The following ACIN1 variants were observed in gnomAD, a reference collection of about 807,000 sequenced individuals.
ACIN1 encodes apoptotic chromatin condensation inducer in the nucleus.
A neutral mutation model predicts 146.6 loss-of-function variants in ACIN1; 16 were observed. That is an observed-to-expected ratio of 0.11 (90% CI 0.07 to 0.17). The LOEUF (loss-of-function observed/expected upper bound fraction) is 0.17. Ranked by LOEUF, ACIN1 falls within the 10% of genes least tolerant of loss-of-function variation. The pLI, the probability that ACIN1 is intolerant of heterozygous loss-of-function variation, is 1.00. For missense variants in ACIN1, 1,357 were observed against 1,609.3 expected (o/e 0.84, Z 2.68); for synonymous variants, 569 against 582.7 (o/e 0.98, Z 0.34).
chr14:23,084,736 C>T (rs1175024948), intron 4 of ACIN1, among the ~76,000 whole-genome samples: 4 of 151,824 alleles, frequency 2.6e-5, no homozygotes, highest in Admixed American at 6.6e-5. Context: ...TATACCATTT[C>T]GTATCTGGGT....
chr14:23,088,117 A>G (rs908008867), intron 4 of ACIN1, among the ~76,000 whole-genome samples: 3 of 151,892 alleles, frequency 2.0e-5, no homozygotes, highest in Non-Finnish European at 4.4e-5. Flanking sequence ...CTCCCAATAT[A>G]CTCTCACAGA....
intron 4 of ACIN1, among the ~76,000 whole-genome samples, chr14:23,084,918 T>G (rs1272645780): frequency 6.6e-6 from 1 of 151,914 alleles, no homozygotes; most frequent in Admixed American, 6.6e-5. Flanking sequence ...AGTTATAAAA[T>G]AAGTAAAACC....
Position 23,058,788 on chromosome 14 carries a change from T to C in ACIN1, c.*360A>G. The C allele has an allele frequency of 3.4e-6, 1 of 297,072 alleles. No homozygotes were observed. Among genetic ancestry groups the C allele is most frequent in the South Asian group, 6.0e-5 (1 of 16,672 alleles). 18.4% of individuals were successfully genotyped at this position (297,072 alleles called of 1,614,324 possible). ...TAGGTGACCCAGTCCTGGCCCCGGC[T>C]GTTCCCAAGAGAAGGCTGTAAGTAC... is the stretch of plus-strand genomic sequence containing the variant. On this transcript the variant is annotated 3_prime_UTR_variant, in exon 19 of 19. Coordinates refer to ENST00000605057, the MANE Select transcript of ACIN1 (RefSeq NM_001386863.1).
At chr14:23,066,350 C>A (rs996996879) in intron 9 of ACIN1, 4 of 184,150 alleles carry the variant, frequency 2.2e-5, no homozygotes, top group Non-Finnish European at 4.5e-5. Context: ...TTGGTCATAC[C>A]CCCTCTTTCA....
At chr14:23,090,404 G>C in intron 3 of ACIN1, 118 bp downstream of exon 3, 5 of 944,796 alleles carry the variant, frequency 5.3e-6, no homozygotes, top group African/African-American at 1.6e-5. Flanking sequence ...ATGAAAGCAA[G>C]TAAGTAGCAG....
chr14:23,094,559 C>A (rs1212767648), intron 1 of ACIN1: 28 of 984,324 alleles, frequency 2.8e-5, no homozygotes, highest in Non-Finnish European at 3.1e-5. Flanking sequence ...CCGATACCAA[C>A]CCCATCCACC....
chr14:23,063,956 GGTA>G, intron 12 of ACIN1, 146 bp downstream of exon 12: 1 of 1,014,020 alleles, frequency 9.9e-7, no homozygotes, highest in Non-Finnish European at 1.4e-6. Flanking sequence ...AGCTGGATTT[GGTA>G]GTCTGACCCC....
In ACIN1 at chr14:23,094,111, A is replaced by AAC. The variant is rs1035271217; in HGVS notation, c.139-569_139-568dup. Among the ~76,000 whole-genome samples, 65 of 143,512 alleles carry AAC rather than the reference A, an allele frequency of 4.5e-4. No individual in the cohort carries two copies. The South Asian group carries it at 0.013, about 30-fold the overall frequency. The allele number at this position is 143,512 out of a possible 152,430, so 94.1% of individuals were successfully genotyped here. A position where few individuals can be genotyped will look rare whatever the true frequency, so the allele number is the denominator to read the frequency against. On this transcript the variant is annotated intron_variant, in intron 1 of 18. Coordinates refer to ENST00000605057, the MANE Select transcript of ACIN1 (RefSeq NM_001386863.1). ...TGGTCTAACCTAGTCTATCCACACA[A>AAC]ACACACACACACAAACACACACACA...
At chr14:23,069,652 G>GCCCGCC in intron 8 of ACIN1, 35 bp from the exon 9 acceptor site, 2 of 577,972 alleles carry the variant, frequency 3.5e-6, no homozygotes, top group African/African-American at 1.9e-5. Flanking sequence ...GGGGGGGCGG[G>GCCCGCC]CAGAAAAGAA....
chr14:23,089,063 C>T (rs2048159582), intron 4 of ACIN1, among the ~76,000 whole-genome samples: 1 of 152,144 alleles, frequency 6.6e-6, no homozygotes, highest in Non-Finnish European at 1.5e-5. Flanking sequence ...TTTTTTGAGA[C>T]ACAGTCTCGC....
chr14:23,068,920 T>C lies in ACIN1; in HGVS notation c.2265+556A>G. On this transcript the variant is annotated intron_variant, in intron 9 of 18. Transcript: ENST00000605057. This position sits in a 1 kb window ranked among gnomAD's most constrained non-coding sequence, Gnocchi z 4.3. ...AGTGGGTGCAGGACACAAGATAACA[T>C]ATGCCAAAAAAGGAGGTAGAGGGGT... The C allele has an allele frequency of 1.0e-6, 1 of 985,330 alleles. No individual in the cohort carries two copies. The highest frequency in any genetic ancestry group is 1.2e-6 in the Non-Finnish European group (1 of 829,950). The allele number at this position is 985,330 out of a possible 1,614,324, so 61.0% of individuals were successfully genotyped here.
rs1384815007 is a variant in ACIN1, at chr14:23,067,220, G to GA, written c.2266-1213dup. The GA allele has an allele frequency of 1.2e-5, 10 of 808,292 alleles. No individual in the cohort carries two copies. The highest frequency in any genetic ancestry group is 1.2e-5 in the Non-Finnish European group (8 of 669,216). 50.1% of individuals were successfully genotyped at this position (808,292 alleles called of 1,614,324 possible). On this transcript the variant is annotated intron_variant, in intron 9 of 18. Transcript: ENST00000605057. The surrounding 1 kb of genome is among the most constrained non-coding windows in gnomAD (Gnocchi z 4.6). ...AGAAATCAGAAAAAATAAAGATATA[G>GA]AAAAAAATAAAATAAAATATTAAAA...
intron 5 of ACIN1, 103 bp from the exon 6 acceptor site, chr14:23,080,912 A>G: frequency 6.7e-7 from 1 of 1,499,650 alleles, no homozygotes; most frequent in Non-Finnish European, 8.9e-7. Flanking sequence ...AAATTCAATG[A>G]TATATACTTT....
chr14:23,076,145 C>T lies in ACIN1; in HGVS notation c.2123+2006G>A, dbSNP rs116475203. ...GTGTTGTTAATCAGTTGTGGTAGGG[C>T]CTCCAGAAATGTATGCAACCTTCTC... On this transcript the variant is annotated intron_variant, in intron 8 of 18. Coordinates refer to ENST00000605057, the MANE Select transcript of ACIN1 (RefSeq NM_001386863.1). Among the ~76,000 whole-genome samples the T allele has an allele frequency of 6.6e-3, 1,010 of 152,248 alleles. 11 individuals are homozygous for T. Among genetic ancestry groups the T allele is most frequent in the African/African-American group, 0.022 (934 of 41,534 alleles).
chr14:23,070,754 C>G (rs2047614944), intron 8 of ACIN1, among the ~76,000 whole-genome samples: 1 of 151,434 alleles, frequency 6.6e-6, no homozygotes, highest in Admixed American at 6.7e-5. Flanking sequence ...TCAGCATTCC[C>G]AACAGGCTGA....
Position 23,063,034 on chromosome 14 carries a change from C to G in ACIN1, c.2778G>C (p.Gln926His). 1 of 1,613,726 alleles carries G rather than the reference C, an allele frequency of 6.2e-7. No homozygotes were observed. The highest frequency in any genetic ancestry group is 8.5e-7 in the Non-Finnish European group (1 of 1,179,932). ...GDTLTRRSIS[Q>H]QKSGVSITID... ...TGGTAATGGAAACTCCGGACTTCTGCTGGCTAATGGAACGTCGAGTTAAGG... is the reference window on the plus strand; with the variant it reads ...TGGTAATGGAAACTCCGGACTTCTGGTGGCTAATGGAACGTCGAGTTAAGG... Residue 926 changes from glutamine (Q) to histidine (H), a missense_variant, in exon 14 of 19, where the codon CAG becomes CAC. Transcript: ENST00000605057.
At chr14:23,087,861 T>C (rs1287099290) in intron 4 of ACIN1, among the ~76,000 whole-genome samples, 3 of 152,210 alleles carry the variant, frequency 2.0e-5, no homozygotes, top group Non-Finnish European at 4.4e-5. Flanking sequence ...AAATACCATT[T>C]TCATTCCTAT....
intron 18 of ACIN1, among the ~76,000 whole-genome samples, chr14:23,060,565 T>G (rs187176132): frequency 6.6e-6 from 1 of 151,856 alleles, no homozygotes; most frequent in Admixed American, 6.6e-5. Flanking sequence ...CAGGCTGGAG[T>G]GCAATGGCAC....
chr14:23,084,616 GAA>G (rs1197980124), intron 4 of ACIN1, among the ~76,000 whole-genome samples: 2 of 105,184 alleles, frequency 1.9e-5, no homozygotes, highest in African/African-American at 7.5e-5. Context: ...TCTCAAAAAA[GAA>G]AAAAAAAAAA....
Sources: allele counts gnomAD v4.1 joint callset (sites outside exome capture counted in the v4.1 genomes callset), GRCh38; gene constraint gnomAD v4.1.1; non-coding constraint Gnocchi (gnomAD v3.1); transcripts MANE v1.5; gene names NCBI Gene and HGNC (gene_info 2026-07-23, HGNC 2026-07-21).